Variants in SCN7A observed in about 807,000 individuals in gnomAD.
SCN7A encodes the protein sodium channel protein type 7 subunit alpha.
A neutral mutation model predicts 155.2 loss-of-function variants in SCN7A; 138 were observed. The observed-to-expected ratio is 0.89, with a 90% CI of 0.77 to 1.02. SCN7A has a LOEUF of 1.02. SCN7A is among the 50% of genes least tolerant of loss of function. SCN7A has a pLI of 0.00. For missense variants in SCN7A, 2,058 were observed against 1,986.6 expected (o/e 1.04, Z -0.68); for synonymous variants, 693 against 649.0 (o/e 1.07, Z -1.03).
chr2:166,406,594 C>T lies in SCN7A; in HGVS notation c.4035G>A (p.Val1345=), dbSNP rs770301924. 10 of 1,612,008 alleles carry T rather than the reference C, an allele frequency of 6.2e-6. No individual in the cohort carries two copies. Among genetic ancestry groups the T allele is most frequent in the Admixed American group, 1.7e-5 (1 of 59,812 alleles). ...TGATCCGTGAGAGAAGTATCAGTTG[C>T]ACAAGTGAAGGAGGCACAAGGTAGG... ...VGSYLVPPSL[V]QLILLSRIIH... Residue 1345 remains valine (V), a synonymous_variant, in exon 26 of 26, where the codon GTG becomes GTA. Transcript: ENST00000643258.
chr2:166,464,993 C>T (rs1702496532), intron 9 of SCN7A, among the ~76,000 whole-genome samples: 1 of 151,910 alleles, frequency 6.6e-6, no homozygotes. Flanking sequence ...TGTTTGTGTC[C>T]CCTCAACATT....
At chr2:166,482,258 ATTAACC>A (rs1702946133) in intron 2 of SCN7A, among the ~76,000 whole-genome samples, 1 of 152,124 alleles carries the variant, frequency 6.6e-6, no homozygotes, top group African/African-American at 2.4e-5. Context: ...AGTTAAAAAT[ATTAACC>A]TTAAAAGAAT....
intron 7 of SCN7A, 88 bp downstream of exon 7, chr2:166,470,527 T>G: frequency 9.2e-7 from 1 of 1,087,796 alleles, no homozygotes; most frequent in South Asian, 1.7e-5. Flanking sequence ...ATTCAATATT[T>G]CCTCTGAACA....
At chr2:166,485,858 G>C (rs1703034737) in intron 2 of SCN7A, among the ~76,000 whole-genome samples, 1 of 152,142 alleles carries the variant, frequency 6.6e-6, no homozygotes, top group Admixed American at 6.5e-5. Context: ...AGAGCAAGTT[G>C]TAAAGGAGCC....
intron 21 of SCN7A, among the ~76,000 whole-genome samples, chr2:166,413,322 C>A (rs1036467734): frequency 6.6e-6 from 1 of 151,764 alleles, no homozygotes; most frequent in African/African-American, 2.4e-5. Flanking sequence ...TAGTTAATAA[C>A]AAAATATTTG....
At chr2:166,477,825 T>A in intron 2 of SCN7A, 115 bp from the exon 3 acceptor site, 1 of 566,232 alleles carries the variant, frequency 1.8e-6, no homozygotes, top group Non-Finnish European at 2.9e-6. Context: ...AAGAACATAT[T>A]CCTTAGTTTT....
At chr2:166,452,559 G>A (rs6432916) in intron 11 of SCN7A, among the ~76,000 whole-genome samples, 10,714 of 151,820 alleles carry the variant, frequency 0.071, 686 homozygotes, top group East Asian at 0.16. Context: ...TTTTTAATTC[G>A]TTACATGAAT....
At chr2:166,418,303 T>TC (rs908821559) in intron 20 of SCN7A, among the ~76,000 whole-genome samples, 1 of 143,978 alleles carries the variant, frequency 6.9e-6, no homozygotes, top group African/African-American at 2.6e-5. Flanking sequence ...TTTTTTTTTT[T>TC]TTTTTTTTAG....
chr2:166,465,393 C>A, intron 9 of SCN7A, 69 bp downstream of exon 9: 1 of 1,064,000 alleles, frequency 9.4e-7, no homozygotes, highest in Non-Finnish European at 1.4e-6. Flanking sequence ...ACAGTAAAAG[C>A]AATAGTCCTT....
At chr2:166,488,515 T>A (rs1400354308) in intron 1 of SCN7A, among the ~76,000 whole-genome samples, 1 of 152,122 alleles carries the variant, frequency 6.6e-6, no homozygotes, top group African/African-American at 2.4e-5. Context: ...TTGAGATTCA[T>A]CTCAATGAAT....
At chr2:166,430,042 C>G (rs1454280684) in intron 16 of SCN7A, among the ~76,000 whole-genome samples, 1 of 151,872 alleles carries the variant, frequency 6.6e-6, no homozygotes, top group African/African-American at 2.4e-5. Context: ...TTTAAAATCA[C>G]CAAGATCTAA....
chr2:166,475,110 A>ATG (rs1575061572), intron 3 of SCN7A, among the ~76,000 whole-genome samples: 1 of 124,616 alleles, frequency 8.0e-6, no homozygotes, highest in African/African-American at 3.0e-5. Flanking sequence ...ATATGTATAT[A>ATG]TATATATATA....
At chr2:166,434,865 A>C (rs1469270569) in intron 15 of SCN7A, among the ~76,000 whole-genome samples, 1 of 152,134 alleles carries the variant, frequency 6.6e-6, no homozygotes, top group Non-Finnish European at 1.5e-5. Context: ...CAACCAGCAC[A>C]CTGCTAGGCA....
intron 17 of SCN7A, among the ~76,000 whole-genome samples, chr2:166,428,802 T>C (rs1042478651): frequency 6.6e-6 from 1 of 152,112 alleles, no homozygotes; most frequent in Non-Finnish European, 1.5e-5. Context: ...CTAGTAGCTA[T>C]ACCACTGTGT....
At chr2:166,451,258 G>A (rs780000976) in intron 11 of SCN7A, among the ~76,000 whole-genome samples, 6 of 152,268 alleles carry the variant, frequency 3.9e-5, no homozygotes, top group Non-Finnish European at 7.4e-5. Context: ...AATATGAAAT[G>A]AATAAACCAC....
chr2:166,416,446 C>T (rs35844932), intron 21 of SCN7A, among the ~76,000 whole-genome samples: 15,089 of 152,170 alleles, frequency 0.099, 814 homozygotes, highest in Middle Eastern at 0.14. Context: ...TCACCCCCGG[C>T]GGCCCAGCTG....
intron 15 of SCN7A, among the ~76,000 whole-genome samples, chr2:166,435,953 A>G (rs1483509611): frequency 6.6e-6 from 1 of 152,162 alleles, no homozygotes; most frequent in African/African-American, 2.4e-5. Flanking sequence ...ACTAAGAAAA[A>G]TCTGGTAAAG....
At position 166,462,436 on chromosome 2, in the gene SCN7A, G is replaced by C; in HGVS notation, c.1036C>G (p.Leu346Val). The change falls in exon 10 of 26, where the codon CTA becomes GTA. Residue 346 changes from leucine to valine, a missense_variant. Transcript: ENST00000643258. Reference protein sequence around the residue: ...FDSFGWALFALFRLMAQDYPE... With the variant: ...FDSFGWALFAVFRLMAQDYPE... The stretch of plus-strand genomic sequence containing the variant: ...TAATCCTGAGCCATTAACCGAAATA[G>C]GGCAAATAAGGCCCAGCCAAAACTG... The C allele has an allele frequency of 6.2e-7, 1 of 1,609,676 alleles. No homozygotes were observed. The highest frequency in any genetic ancestry group is 8.5e-7 in the Non-Finnish European group (1 of 1,177,718).
At position 166,439,059 on chromosome 2, in the gene SCN7A, A is replaced by G. The variant is rs796531596; in HGVS notation, c.2157+2337T>C. Among the ~76,000 whole-genome samples the G allele has an allele frequency of 2.3e-3, 262 of 113,498 alleles. 1 individual carries two copies. Among genetic ancestry groups the G allele is most frequent in the African/African-American group, 7.9e-3 (226 of 28,496 alleles). 74.5% of individuals were successfully genotyped at this position (113,498 alleles called of 152,430 possible). On this transcript the variant is annotated intron_variant, in intron 15 of 25. Coordinates refer to ENST00000643258, the MANE Select transcript of SCN7A (RefSeq NM_002976.4). ...TACATATATGTGTGTGTGTGTGTAT[A>G]TATATATATATATATATATAGCCTC...
Sources: gnomAD v4.1 joint callset for allele counts (sites outside exome capture counted in the v4.1 genomes callset) on GRCh38, gnomAD v4.1.1 for gene constraint, MANE v1.5 for transcripts, NCBI Gene and HGNC (gene_info 2026-07-23, HGNC 2026-07-21) for gene names.